SEMA3A: variants seen among roughly 807,000 people sequenced by gnomAD.
The protein encoded by SEMA3A is semaphorin 3A.
A neutral mutation model predicts 97.9 loss-of-function variants in SEMA3A; 29 were observed. The ratio of observed to expected loss-of-function variants is 0.30; its 90% CI spans 0.22 to 0.40. SEMA3A has a LOEUF of 0.40. Ranked by LOEUF, SEMA3A falls within the 10% of genes least tolerant of loss-of-function variation. The pLI, the probability that SEMA3A is intolerant of heterozygous loss-of-function variation, is 1.00. For synonymous variants in SEMA3A, 321 were observed against 323.7 expected, an observed-to-expected ratio of 0.99 and a Z score of 0.09; for missense variants, 763 against 951.3, an observed-to-expected ratio of 0.80 and a Z score of 2.60.
chr7:84,185,692 G>GAAA (rs71078810), intron 1 of SEMA3A, among the ~76,000 whole-genome samples: 6 of 78,088 alleles, frequency 7.7e-5, no homozygotes, highest in East Asian at 7.3e-4. Flanking sequence ...ACTCTGGCAG[G>GAAA]AAAAAAAAAA....
At chr7:84,331,424 T>C (rs1333976758) in intron 2 of SEMA3A, among the ~76,000 whole-genome samples, 1 of 152,174 alleles carries the variant, frequency 6.6e-6, no homozygotes, top group Non-Finnish European at 1.5e-5. Context: ...GTGATTCTAG[T>C]TACTTTAACT....
chr7:84,232,489 G>T (rs1799138543), intron 3 of SEMA3A, among the ~76,000 whole-genome samples: 1 of 150,302 alleles, frequency 6.7e-6, no homozygotes. Flanking sequence ...AGATACAAAA[G>T]ATTTAAACAA....
chr7:84,028,659 C>G (rs1791630194), intron 6 of SEMA3A, among the ~76,000 whole-genome samples: 1 of 152,214 alleles, frequency 6.6e-6, no homozygotes, highest in South Asian at 2.1e-4. Context: ...GGCTGGAGTG[C>G]AGTGGCACGA....
chr7:84,364,705 T>C (rs2116078080), intron 2 of SEMA3A, among the ~76,000 whole-genome samples: 1 of 151,802 alleles, frequency 6.6e-6, no homozygotes, highest in East Asian at 1.9e-4. Flanking sequence ...GAGGCAAAAT[T>C]TATTTTATAA....
chr7:84,124,428 A>G (rs1475240591), intron 3 of SEMA3A, among the ~76,000 whole-genome samples: 1 of 152,102 alleles, frequency 6.6e-6, no homozygotes, highest in Non-Finnish European at 1.5e-5. Context: ...TCTGTCTTGG[A>G]GCCCTGATGG....
chr7:84,391,426 A>G (rs1329732201), intron 1 of SEMA3A, among the ~76,000 whole-genome samples: 4 of 152,124 alleles, frequency 2.6e-5, no homozygotes. Context: ...GGTGGATCCT[A>G]TGGAAGAAGT....
rs116240476 is a variant in SEMA3A at position 84,024,402 on chromosome 7, C to A, written c.668-10051G>T. Among the ~76,000 whole-genome samples, 122 of 151,658 alleles carry A rather than the reference C, an allele frequency of 8.0e-4. 1 individual carries two copies. The highest frequency in any genetic ancestry group is 2.9e-3 in the African/African-American group (118 of 41,388). ...CTAAAAATACAAAAAAAAAATTAGA[C>A]GAGTATGGTGGCACACACCTATAAT... On this transcript the variant is annotated intron_variant, in intron 6 of 16. Transcript: ENST00000265362.
intron 2 of SEMA3A, among the ~76,000 whole-genome samples, chr7:84,332,257 A>G (rs929693984): frequency 6.6e-6 from 1 of 152,156 alleles, no homozygotes; most frequent in Non-Finnish European, 1.5e-5. Flanking sequence ...CCAACGACTC[A>G]TTTCCAGAAA....
intron 1 of SEMA3A, chr7:84,372,433 G>A (rs1212463634): frequency 1.3e-5 from 2 of 152,052 alleles, no homozygotes; most frequent in African/African-American, 2.4e-5. Flanking sequence ...TTTGGCACAA[G>A]TTGAATAGGA....
intron 1 of SEMA3A, among the ~76,000 whole-genome samples, chr7:84,465,781 C>A (rs2715038): frequency 0.26 from 39,780 of 152,006 alleles, 6,953 homozygotes; most frequent in East Asian, 0.62. Flanking sequence ...CTACTCTACT[C>A]ATTTTGACTA....
rs570929404 is a variant in SEMA3A at position 84,358,048 on chromosome 7, A to T, written c.-169+13776T>A. On this transcript the variant is annotated intron_variant, in intron 2 of 3. Coordinates refer to the SEMA3A transcript ENST00000424555. ...ATACTGGATATTAGCCCTTTGTCAG[A>T]TTAGTAGATTGGAAAACTTTTCTCC... is the stretch of plus-strand genomic sequence containing the variant. Among the ~76,000 whole-genome samples the T allele has an allele frequency of 7.9e-5, 12 of 152,266 alleles. No homozygotes were observed. In the South Asian group the frequency reaches 2.5e-3, roughly 32 times the overall value.
At chr7:84,312,343 C>G (rs1801346654) in intron 2 of SEMA3A, among the ~76,000 whole-genome samples, 1 of 151,722 alleles carries the variant, frequency 6.6e-6, no homozygotes. Context: ...GGACAAATTT[C>G]TTGGGACAGT....
At chr7:84,112,218 ATC>A (rs1270278722) in intron 3 of SEMA3A, among the ~76,000 whole-genome samples, 1 of 152,230 alleles carries the variant, frequency 6.6e-6, no homozygotes, top group Non-Finnish European at 1.5e-5. Context: ...AAAGATTATC[ATC>A]TCTGATTGTG....
intron 6 of SEMA3A, among the ~76,000 whole-genome samples, chr7:84,043,057 C>G (rs1379982885): frequency 6.6e-6 from 1 of 151,914 alleles, no homozygotes; most frequent in Non-Finnish European, 1.5e-5. Flanking sequence ...GAAAAAAATA[C>G]TGGTACATCA....
intron 6 of SEMA3A, among the ~76,000 whole-genome samples, chr7:84,031,871 A>G (rs1039039984): frequency 6.6e-6 from 1 of 152,156 alleles, no homozygotes; most frequent in Non-Finnish European, 1.5e-5. Context: ...GTGTCCTAAA[A>G]TATAAGCAGA....
intron 3 of SEMA3A, among the ~76,000 whole-genome samples, chr7:84,280,731 A>G (rs945546297): frequency 6.6e-6 from 1 of 152,108 alleles, no homozygotes; most frequent in African/African-American, 2.4e-5. Flanking sequence ...TAGTGACTTG[A>G]GATCGCCACT....
intron 3 of SEMA3A, among the ~76,000 whole-genome samples, chr7:84,207,105 A>C (rs576373006): frequency 1.3e-5 from 2 of 152,248 alleles, no homozygotes; most frequent in African/African-American, 4.8e-5. Context: ...AGTAAAGTGC[A>C]TATTTCATGA....
intron 3 of SEMA3A, among the ~76,000 whole-genome samples, chr7:84,211,965 G>T (rs934251898): frequency 6.6e-6 from 1 of 152,164 alleles, no homozygotes; most frequent in African/African-American, 2.4e-5. Context: ...CAACCAACCT[G>T]GGAAGAACCG....
At chr7:84,308,552 A>C (rs1801225022) in intron 2 of SEMA3A, among the ~76,000 whole-genome samples, 2 of 152,162 alleles carry the variant, frequency 1.3e-5, no homozygotes, top group Admixed American at 1.3e-4. Context: ...GCCATAATAT[A>C]TGACAAGAAT....
Sources: allele counts gnomAD v4.1 joint callset (sites outside exome capture counted in the v4.1 genomes callset), GRCh38; gene constraint gnomAD v4.1.1; transcripts MANE v1.5; gene names NCBI Gene and HGNC (gene_info 2026-07-23, HGNC 2026-07-21).